PPP3CA: variants seen among roughly 807,000 people sequenced by gnomAD.
PPP3CA encodes protein phosphatase 3 catalytic subunit alpha, also known as CAM-PRP catalytic subunit.
PPP3CA carries 14 observed loss-of-function variants against 66.5 expected under a neutral mutation model. The observed-to-expected ratio is 0.21, with a 90% CI of 0.14 to 0.33. The LOEUF is 0.33. PPP3CA is among the 10% of genes least tolerant of loss of function. The pLI, the probability that PPP3CA is intolerant of heterozygous loss-of-function variation, is 1.00. For missense variants in PPP3CA, 317 were observed against 639.5 expected (o/e 0.50, Z 5.44); for synonymous variants, 232 against 226.2 (o/e 1.03, Z -0.23).
intron 1 of PPP3CA, among the ~76,000 whole-genome samples, chr4:101,326,084 C>T (rs6820863): frequency 0.02 from 3,079 of 152,024 alleles, 116 homozygotes; most frequent in African/African-American, 0.069. Flanking sequence ...TGCAGTGAGC[C>T]GAGACTGCAC....
intron 1 of PPP3CA, among the ~76,000 whole-genome samples, chr4:101,295,190 A>C (rs931992275): frequency 3.3e-5 from 5 of 150,272 alleles, no homozygotes; most frequent in Non-Finnish European, 5.9e-5. Flanking sequence ...AGTCCCAGCT[A>C]CTCGGGAGGC....
intron 1 of PPP3CA, among the ~76,000 whole-genome samples, chr4:101,315,093 GA>G (rs1728844629): frequency 6.6e-6 from 1 of 152,128 alleles, no homozygotes; most frequent in Non-Finnish European, 1.5e-5. Context: ...GGGCCTTTGG[GA>G]CATGATTGAG....
chr4:101,151,154 C>T (rs78537391), intron 2 of PPP3CA, among the ~76,000 whole-genome samples: 10,614 of 152,186 alleles, frequency 0.07, 942 homozygotes, highest in East Asian at 0.3. Context: ...GGCACACAGA[C>T]CGTGACCATG....
chr4:101,259,438 T>C (rs1325166714), intron 1 of PPP3CA, among the ~76,000 whole-genome samples: 1 of 152,076 alleles, frequency 6.6e-6, no homozygotes, highest in East Asian at 1.9e-4. Context: ...GTAAGTTCAG[T>C]TGCCCTCCAC....
chr4:101,042,401 G>A (rs1345805022), intron 10 of PPP3CA, among the ~76,000 whole-genome samples: 1 of 152,010 alleles, frequency 6.6e-6, no homozygotes, highest in Non-Finnish European at 1.5e-5. Context: ...CTCTCTTGTG[G>A]CAACTATGCC....
chr4:101,200,400 T>C (rs1724930218), intron 1 of PPP3CA, among the ~76,000 whole-genome samples: 1 of 152,140 alleles, frequency 6.6e-6, no homozygotes, highest in South Asian at 2.1e-4. Context: ...CCTTTACTTA[T>C]ATGGTATCAA....
At chr4:101,129,916 T>C (rs1352198988) in intron 2 of PPP3CA, among the ~76,000 whole-genome samples, 1 of 152,020 alleles carries the variant, frequency 6.6e-6, no homozygotes, top group Non-Finnish European at 1.5e-5. Context: ...TTGACAGAAG[T>C]AGGCTTCAGA....
Position 101,024,919 on chromosome 4 carries a change from T to A in PPP3CA, c.*946A>T, listed in dbSNP as rs1410910725. ...ATACAGGCCGATACAGCCATTTTTT[T>A]TTTCTTAAAAAACATGCATAGGCAG... On this transcript the variant is annotated 3_prime_UTR_variant, in exon 14 of 14. Transcript: ENST00000394854. 6.6e-6 allele frequency: 1 copy of A among 152,298 alleles called. No individual in the cohort carries two copies. The highest frequency in any genetic ancestry group is 1.5e-5 in the Non-Finnish European group (1 of 68,022). The allele number at this position is 152,298 out of a possible 1,614,324, so 9.4% of individuals were successfully genotyped here. A position where few individuals can be genotyped will look rare whatever the true frequency, so the allele number is the denominator to read the frequency against.
chr4:101,244,229 A>G (rs72919761), intron 1 of PPP3CA, among the ~76,000 whole-genome samples: 1,750 of 152,318 alleles, frequency 0.011, 40 homozygotes, highest in African/African-American at 0.038. Context: ...TAGAAAAGTC[A>G]CACCAGGACC....
At chr4:101,326,050 T>C (rs1729197295) in intron 1 of PPP3CA, among the ~76,000 whole-genome samples, 1 of 152,022 alleles carries the variant, frequency 6.6e-6, no homozygotes, top group South Asian at 2.1e-4. Flanking sequence ...GAAGCAGAAT[T>C]ACTTGAACCG....
chr4:101,264,297 A>G (rs1727100135), intron 1 of PPP3CA, among the ~76,000 whole-genome samples: 1 of 152,098 alleles, frequency 6.6e-6, no homozygotes, highest in Non-Finnish European at 1.5e-5. Flanking sequence ...AGTAAATGAG[A>G]AGTCACTGTA....
At chr4:101,156,531 T>G (rs1723327066) in intron 2 of PPP3CA, among the ~76,000 whole-genome samples, 1 of 151,986 alleles carries the variant, frequency 6.6e-6, no homozygotes, top group Non-Finnish European at 1.5e-5. Context: ...AAATACAAAA[T>G]TAGCTGGGTG....
chr4:101,196,211 A>C lies in PPP3CA; in HGVS notation c.59-95T>G. ...AAATATCCATCCTCATCACAAACCA[A>C]CTAATATAATATTTTTAGAGTGGCT... On this transcript the variant is annotated intron_variant, in intron 1 of 13. Transcript: ENST00000394854. 5.4e-6 allele frequency: 6 copies of C among 1,112,830 alleles called. No homozygotes were observed. The Admixed American group carries it at 1.6e-4, about 29-fold the overall frequency. 68.9% of individuals were successfully genotyped at this position (1,112,830 alleles called of 1,614,324 possible).
intron 6 of PPP3CA, among the ~76,000 whole-genome samples, chr4:101,092,709 T>A (rs1255677796): frequency 2.0e-5 from 3 of 152,164 alleles, no homozygotes; most frequent in Admixed American, 6.6e-5. Context: ...GTTCTTGTGA[T>A]ACTTTGTTGC....
At chr4:101,195,846 G>T in intron 2 of PPP3CA, 70 bp downstream of exon 2, 1 of 1,364,526 alleles carries the variant, frequency 7.3e-7, no homozygotes. Flanking sequence ...TGGTAACTAG[G>T]ACTTTTGATT....
intron 10 of PPP3CA, 121 bp from the exon 11 acceptor site, chr4:101,040,687 T>G (rs1032421812): frequency 1.3e-5 from 9 of 698,424 alleles, no homozygotes; most frequent in African/African-American, 5.5e-5. Context: ...TTTTCCCCCT[T>G]AAGAGGATTT....
chr4:101,076,892 C>T (rs1359013650), intron 8 of PPP3CA, among the ~76,000 whole-genome samples: 11 of 152,234 alleles, frequency 7.2e-5, no homozygotes, highest in Non-Finnish European at 1.5e-4. Context: ...GCAGTATTCA[C>T]AAACGAACAT....
chr4:101,307,174 A>G (rs910467666), intron 1 of PPP3CA, among the ~76,000 whole-genome samples: 4 of 151,954 alleles, frequency 2.6e-5, no homozygotes, highest in Non-Finnish European at 5.9e-5. Flanking sequence ...GAACCAAAAA[A>G]AAAAAAAAAA....
At chr4:101,227,119 CACATACAT>C (rs33970429) in intron 1 of PPP3CA, among the ~76,000 whole-genome samples, 25 of 146,060 alleles carry the variant, frequency 1.7e-4, no homozygotes, top group African/African-American at 1.5e-4. Flanking sequence ...TGTACATACA[CACATACAT>C]ACATACATAC....
Sources: gnomAD v4.1 joint callset for allele counts (sites outside exome capture counted in the v4.1 genomes callset) on GRCh38, gnomAD v4.1.1 for gene constraint, MANE v1.5 for transcripts, NCBI Gene and HGNC (gene_info 2026-07-23, HGNC 2026-07-21) for gene names.